CADM2: variants seen among roughly 807,000 people sequenced by gnomAD.
The protein encoded by CADM2 is cell adhesion molecule 2.
Under a neutral mutation model 49.8 loss-of-function variants are expected in CADM2, and 12 were observed. That is an observed-to-expected ratio of 0.24 (90% CI 0.15 to 0.39). The LOEUF (loss-of-function observed/expected upper bound fraction) is 0.39. Among genes scored for constraint, CADM2 ranks in the 10% least tolerant of loss-of-function variants. The pLI is 1.00. For synonymous variants in CADM2, 214 were observed against 175.4 expected, an observed-to-expected ratio of 1.22 and a Z score of -1.74; for missense variants, 378 against 492.3, an observed-to-expected ratio of 0.77 and a Z score of 2.20.
chr3:85,302,242 A>T (rs894341309), intron 1 of CADM2, among the ~76,000 whole-genome samples: 5 of 152,040 alleles, frequency 3.3e-5, no homozygotes, highest in African/African-American at 1.2e-4. Context: ...TTAACTGCAG[A>T]TATATCTGTA....
intron 2 of CADM2, among the ~76,000 whole-genome samples, chr3:85,796,966 G>A (rs1048077286): frequency 3.3e-5 from 5 of 151,738 alleles, no homozygotes; most frequent in East Asian, 2.0e-4. Context: ...GTGGTGACAC[G>A]CACCTGCAGT....
At chr3:85,256,349 A>G (rs1282609114) in intron 1 of CADM2, among the ~76,000 whole-genome samples, 1 of 152,092 alleles carries the variant, frequency 6.6e-6, no homozygotes, top group African/African-American at 2.4e-5. Context: ...AAACTTCCAG[A>G]TCAGCAGTAC....
At chr3:85,136,617 A>G (rs2039420466) in intron 1 of CADM2, among the ~76,000 whole-genome samples, 2 of 152,090 alleles carry the variant, frequency 1.3e-5, no homozygotes, top group African/African-American at 4.8e-5. Context: ...ATTAGACCCA[A>G]TGGTTTAGAT....
At chr3:86,006,281 T>A (rs1460654144) in intron 8 of CADM2, among the ~76,000 whole-genome samples, 6 of 152,184 alleles carry the variant, frequency 3.9e-5, no homozygotes, top group Non-Finnish European at 8.8e-5. Context: ...GATGTTCCTC[T>A]CTTGAAATGT....
chr3:85,965,547 T>A (rs1308988625), intron 8 of CADM2, among the ~76,000 whole-genome samples: 2 of 151,482 alleles, frequency 1.3e-5, no homozygotes, highest in African/African-American at 4.8e-5. Context: ...TACCGGAACA[T>A]AAATTAGGTT....
At position 85,553,073 on chromosome 3, in the gene CADM2, C is replaced by A. The variant is rs1040304548; in HGVS notation, c.62-173449C>A. ...TAAAATTTAATTTATTATGTTCTTA[C>A]AATGAAAATAAGATTATTCACCAGA... On this transcript the variant is annotated intron_variant, in intron 1 of 9. Coordinates refer to ENST00000383699, the MANE Select transcript of CADM2 (RefSeq NM_001167675.2). Among the ~76,000 whole-genome samples, 9 of 151,926 alleles carry A rather than the reference C, an allele frequency of 5.9e-5. No homozygotes were observed. The South Asian group carries it at 1.0e-3, about 18-fold the overall frequency.
At chr3:85,681,864 G>A (rs575027479) in intron 1 of CADM2, among the ~76,000 whole-genome samples, 15 of 151,944 alleles carry the variant, frequency 9.9e-5, no homozygotes, top group Non-Finnish European at 1.3e-4. Context: ...TTGCAAAAAC[G>A]TATCAACTTA....
Position 85,140,881 on chromosome 3 carries a change from A to C in CADM2, c.61+181213A>C, listed in dbSNP as rs111395588. 4.4e-3 allele frequency among the ~76,000 whole-genome samples: 665 copies of C among 152,300 alleles called. 3 individuals carry two copies. The highest frequency in any genetic ancestry group is 0.014 in the African/African-American group (590 of 41,578). On this transcript the variant is annotated intron_variant, in intron 1 of 9. Transcript: ENST00000383699. Reference sequence around the variant, plus strand: ...AGCTGATTATAGACTTTGGTTATCTAAATTAGCTGTTCTCCTCCTTAGGGT... The same window carrying C: ...AGCTGATTATAGACTTTGGTTATCTCAATTAGCTGTTCTCCTCCTTAGGGT...
At chr3:84,969,225 T>C (rs2031235681) in intron 1 of CADM2, among the ~76,000 whole-genome samples, 1 of 152,034 alleles carries the variant, frequency 6.6e-6, no homozygotes, top group African/African-American at 2.4e-5. Context: ...TTTATTCTTT[T>C]ATTTATGCTT....
chr3:85,307,035 G>C (rs893061600), intron 1 of CADM2, among the ~76,000 whole-genome samples: 1 of 151,494 alleles, frequency 6.6e-6, no homozygotes, highest in South Asian at 2.1e-4. Context: ...ATAAATGGAT[G>C]CATTATTGTG....
At chr3:85,881,678 G>T (rs1386517176) in intron 3 of CADM2, among the ~76,000 whole-genome samples, 1 of 152,090 alleles carries the variant, frequency 6.6e-6, no homozygotes, top group Non-Finnish European at 1.5e-5. Flanking sequence ...CTGGTCCACC[G>T]AAGGGAGAAG....
At chr3:85,652,668 A>G (rs1483172106) in intron 1 of CADM2, among the ~76,000 whole-genome samples, 1 of 152,048 alleles carries the variant, frequency 6.6e-6, no homozygotes, top group Non-Finnish European at 1.5e-5. Context: ...GGGGAAAGAA[A>G]TGGAAAATGA....
intron 1 of CADM2, among the ~76,000 whole-genome samples, chr3:85,709,389 A>G (rs922105277): frequency 6.6e-6 from 1 of 152,110 alleles, no homozygotes; most frequent in African/African-American, 2.4e-5. Context: ...GTGACACCAT[A>G]TTACACTGTT....
chr3:85,304,322 A>G (rs965759893), intron 1 of CADM2, among the ~76,000 whole-genome samples: 8 of 151,824 alleles, frequency 5.3e-5, no homozygotes, highest in Non-Finnish European at 1.2e-4. Context: ...TTCAAACGGT[A>G]TATCATAACT....
intron 1 of CADM2, among the ~76,000 whole-genome samples, chr3:85,592,290 A>G (rs1417599622): frequency 6.6e-6 from 1 of 151,960 alleles, no homozygotes; most frequent in Non-Finnish European, 1.5e-5. Flanking sequence ...ATTATTAAAA[A>G]GAATTTGATA....
chr3:85,460,909 C>T (rs1001479662), intron 1 of CADM2, among the ~76,000 whole-genome samples: 26 of 152,074 alleles, frequency 1.7e-4, no homozygotes, highest in African/African-American at 6.3e-4. Context: ...TTCCTTGTTG[C>T]AATGAATATT....
chr3:85,151,319 G>T (rs1259838432), intron 1 of CADM2, among the ~76,000 whole-genome samples: 5 of 151,302 alleles, frequency 3.3e-5, no homozygotes, highest in Non-Finnish European at 5.9e-5. Flanking sequence ...GAATGATTGT[G>T]TACTTTTTTT....
chr3:85,762,358 G>C (rs1168935837), intron 2 of CADM2, among the ~76,000 whole-genome samples: 1 of 151,900 alleles, frequency 6.6e-6, no homozygotes, highest in Admixed American at 6.6e-5. Flanking sequence ...TTGTTTGTTT[G>C]TTTTACTACT....
intron 2 of CADM2, among the ~76,000 whole-genome samples, chr3:85,786,985 T>C (rs1469252972): frequency 7.2e-5 from 11 of 152,084 alleles, no homozygotes; most frequent in Non-Finnish European, 1.5e-4. Flanking sequence ...CATAGTATTG[T>C]TATTCACTCA....
Sources: gnomAD v4.1 joint callset for allele counts (sites outside exome capture counted in the v4.1 genomes callset) on GRCh38, gnomAD v4.1.1 for gene constraint, MANE v1.5 for transcripts, NCBI Gene and HGNC (gene_info 2026-07-23, HGNC 2026-07-21) for gene names.